The following DIAPH3 variants were observed in gnomAD, a reference collection of about 807,000 sequenced individuals.
DIAPH3 encodes the protein diaphanous related formin 3, also known as protein diaphanous homolog 3.
In DIAPH3, 117 loss-of-function variants were observed where a neutral mutation model predicts 144.3. The observed-to-expected ratio is 0.81, with a 90% confidence interval of 0.70 to 0.95. DIAPH3 has a LOEUF of 0.95. DIAPH3 is among the 40% of genes least tolerant of loss of function. The pLI is 0.00. For synonymous variants in DIAPH3, 519 were observed against 488.9 expected (o/e 1.06, Z -0.81); for missense variants, 1,421 against 1,412.7 (o/e 1.01, Z -0.09).
chr13:59,811,571 T>C (rs945124690), intron 24 of DIAPH3, among the ~76,000 whole-genome samples: 3 of 151,840 alleles, frequency 2.0e-5, no homozygotes, highest in African/African-American at 7.3e-5. Flanking sequence ...ACTCTGTCTC[T>C]ACTAAAAATA....
chr13:59,901,772 A>T (rs898803778), intron 20 of DIAPH3, among the ~76,000 whole-genome samples: 1 of 152,208 alleles, frequency 6.6e-6, no homozygotes, highest in Non-Finnish European at 1.5e-5. Flanking sequence ...CTACCAATAC[A>T]AACTCAAAGT....
chr13:59,704,150 C>T (rs2034282964), intron 27 of DIAPH3, among the ~76,000 whole-genome samples: 1 of 152,208 alleles, frequency 6.6e-6, no homozygotes, highest in Non-Finnish European at 1.5e-5. Flanking sequence ...CTTCAGAATT[C>T]AGTAAATCTT....
chr13:60,139,530 G>A (rs770283222), intron 1 of DIAPH3, among the ~76,000 whole-genome samples: 2 of 152,130 alleles, frequency 1.3e-5, no homozygotes, highest in Non-Finnish European at 2.9e-5. Flanking sequence ...GAGAGCCAAC[G>A]AGAGATCAGC....
At chr13:59,710,934 T>C (rs1021227784) in intron 27 of DIAPH3, among the ~76,000 whole-genome samples, 5 of 152,212 alleles carry the variant, frequency 3.3e-5, no homozygotes, top group African/African-American at 1.2e-4. Context: ...GAGTTTCTTC[T>C]GTCAAAAAGA....
intron 26 of DIAPH3, 44 bp from the exon 27 acceptor site, chr13:59,774,292 G>C: frequency 6.6e-7 from 1 of 1,520,692 alleles, no homozygotes; most frequent in Non-Finnish European, 9.0e-7. Context: ...AGAGGTCTGG[G>C]CATCTCAAGA....
intron 22 of DIAPH3, among the ~76,000 whole-genome samples, chr13:59,841,676 G>T (rs1431608512): frequency 6.6e-6 from 1 of 152,208 alleles, no homozygotes; most frequent in African/African-American, 2.4e-5. Context: ...AAAAAGTAGT[G>T]TATTAGTAGT....
chr13:59,888,421 T>C (rs1343651015), intron 20 of DIAPH3, among the ~76,000 whole-genome samples: 2 of 152,150 alleles, frequency 1.3e-5, no homozygotes, highest in Non-Finnish European at 2.9e-5. Context: ...CAGTATTTTG[T>C]TACAGCAGCC....
chr13:59,726,840 T>C (rs1246874127), intron 27 of DIAPH3, among the ~76,000 whole-genome samples: 1 of 152,070 alleles, frequency 6.6e-6, no homozygotes. Context: ...AAGATGTAAA[T>C]ACAAACACAT....
intron 21 of DIAPH3, among the ~76,000 whole-genome samples, chr13:59,863,796 G>C (rs748118209): frequency 6.6e-6 from 1 of 152,114 alleles, no homozygotes; most frequent in Non-Finnish European, 1.5e-5. Flanking sequence ...TGTTTTACAA[G>C]AGGATGCCTC....
chr13:59,796,418 G>A (rs992054848), intron 25 of DIAPH3, among the ~76,000 whole-genome samples: 1 of 152,134 alleles, frequency 6.6e-6, no homozygotes, highest in Non-Finnish European at 1.5e-5. Context: ...ACTGAAGTGT[G>A]GATTGAGTAT....
chr13:59,762,050 A>ATTTTTTTTTTTT (rs1566273881), intron 27 of DIAPH3, among the ~76,000 whole-genome samples: 1 of 118,990 alleles, frequency 8.4e-6, no homozygotes, highest in Non-Finnish European at 1.7e-5. Flanking sequence ...AAGCGTCAGC[A>ATTTTTTTTTTTT]TCTTTTTTTT....
chr13:59,726,190 T>C (rs1344389450), intron 27 of DIAPH3, among the ~76,000 whole-genome samples: 1 of 152,236 alleles, frequency 6.6e-6, no homozygotes, highest in Non-Finnish European at 1.5e-5. Flanking sequence ...AAACCACTTA[T>C]TTCTATTTCC....
At chr13:59,762,084 C>G (rs141195443) in intron 27 of DIAPH3, among the ~76,000 whole-genome samples, 4 of 98,626 alleles carry the variant, frequency 4.1e-5, no homozygotes, top group African/African-American at 1.1e-4. Flanking sequence ...TTTTTTTAGA[C>G]AGTCTTGCTC....
Position 59,958,839 on chromosome 13 carries a change from A to G in DIAPH3, c.2074+11105T>C, listed in dbSNP as rs2049565392. 2.0e-5 allele frequency among the ~76,000 whole-genome samples: 3 copies of G among 147,538 alleles called. No homozygotes were observed. In the South Asian group the frequency reaches 6.5e-4, roughly 32 times the overall value. On this transcript the variant is annotated intron_variant, in intron 17 of 27. Coordinates refer to ENST00000400324, the MANE Select transcript of DIAPH3 (RefSeq NM_001042517.2). Reference sequence around the variant, plus strand: ...GGTGACAAAAACATATGTTAATGTGACTTGATATAGATCTAAACTTCAATA... The same window carrying G: ...GGTGACAAAAACATATGTTAATGTGGCTTGATATAGATCTAAACTTCAATA...
chr13:59,831,498 G>A (rs897327345), intron 24 of DIAPH3, among the ~76,000 whole-genome samples: 7 of 151,870 alleles, frequency 4.6e-5, no homozygotes, highest in Non-Finnish European at 1.0e-4. Context: ...AACCTGGGAA[G>A]CTTCTGTGAG....
At chr13:59,982,651 C>T (rs2051092477) in intron 13 of DIAPH3, among the ~76,000 whole-genome samples, 1 of 151,550 alleles carries the variant, frequency 6.6e-6, no homozygotes, top group Non-Finnish European at 1.5e-5. Context: ...CGAAATCTGA[C>T]AAATGGTGAC....
intron 27 of DIAPH3, among the ~76,000 whole-genome samples, chr13:59,728,532 A>G (rs1056308864): frequency 5.9e-5 from 9 of 152,084 alleles, no homozygotes; most frequent in African/African-American, 2.2e-4. Context: ...TGTATAAGGG[A>G]CATAGGTAGG....
chr13:59,878,172 C>A (rs774903282), intron 21 of DIAPH3, among the ~76,000 whole-genome samples: 2 of 152,100 alleles, frequency 1.3e-5, no homozygotes, highest in Non-Finnish European at 2.9e-5. Context: ...AGTAAGCCCA[C>A]GAGAGATGTG....
Position 59,718,939 on chromosome 13 carries a change from ATAACT to A in DIAPH3, c.3320-52098_3320-52094del, listed in dbSNP as rs202026093. Among the ~76,000 whole-genome samples the A allele has an allele frequency of 1.8e-4, 28 of 152,246 alleles. No individual in the cohort carries two copies. In the East Asian group the frequency reaches 4.8e-3, roughly 26 times the overall value. On this transcript the variant is annotated intron_variant, in intron 27 of 27. Coordinates refer to ENST00000400324, the MANE Select transcript of DIAPH3 (RefSeq NM_001042517.2). ...AAATGTAGCCCCCCCCACCTAACTG[ATAACT>A]TAAAGAAAATGTATTCATAATATAA...
Sources: allele counts gnomAD v4.1 joint callset (sites outside exome capture counted in the v4.1 genomes callset), GRCh38; gene constraint gnomAD v4.1.1; transcripts MANE v1.5; gene names NCBI Gene and HGNC (gene_info 2026-07-23, HGNC 2026-07-21).